LIN7A: variants seen among roughly 807,000 people sequenced by gnomAD.
LIN7A encodes the protein lin-7 cell polarity scaffold A, also known as protein lin-7 homolog A.
A neutral mutation model predicts 29.8 loss-of-function variants in LIN7A; 25 were observed. The observed-to-expected ratio is 0.84, with a 90% confidence interval of 0.61 to 1.17. LIN7A has a LOEUF of 1.17. Among genes scored for constraint, LIN7A ranks in the 50% most tolerant of loss-of-function variants. The pLI is 0.00. For missense variants in LIN7A, 239 were observed against 287.0 expected (o/e 0.83, Z 1.21); for synonymous variants, 118 against 107.5 (o/e 1.10, Z -0.60).
intron 4 of LIN7A, among the ~76,000 whole-genome samples, chr12:80,845,104 G>T (rs1024993276): frequency 6.6e-6 from 1 of 151,956 alleles, no homozygotes; most frequent in Non-Finnish European, 1.5e-5. Context: ...GGGCTTGGTG[G>T]CGGGCGCCTG....
At chr12:80,809,161 T>C (rs1365978340) in intron 5 of LIN7A, among the ~76,000 whole-genome samples, 1 of 152,032 alleles carries the variant, frequency 6.6e-6, no homozygotes, top group East Asian at 1.9e-4. Context: ...AGAGATGGGA[T>C]TTGACGATGT....
chr12:80,874,721 C>T (rs774435263), intron 2 of LIN7A, among the ~76,000 whole-genome samples: 3 of 152,174 alleles, frequency 2.0e-5, no homozygotes, highest in East Asian at 1.9e-4. Flanking sequence ...CGGTGGCTCA[C>T]GCCTGTAATC....
At chr12:80,914,589 T>C (rs1157258323) in intron 1 of LIN7A, among the ~76,000 whole-genome samples, 1 of 152,204 alleles carries the variant, frequency 6.6e-6, no homozygotes, top group African/African-American at 2.4e-5. Context: ...TTTCACGTTA[T>C]CTTTCATGAC....
intron 4 of LIN7A, among the ~76,000 whole-genome samples, chr12:80,822,767 ACAAAGAGC>A (rs1253663165): frequency 6.6e-6 from 1 of 152,080 alleles, no homozygotes; most frequent in Admixed American, 6.5e-5. Flanking sequence ...GTCTCTCAGC[ACAAAGAGC>A]CAGGGTGCCA....
At chr12:80,807,067 T>TTTTTTG (rs1555221329) in intron 5 of LIN7A, among the ~76,000 whole-genome samples, 5 of 69,558 alleles carry the variant, frequency 7.2e-5, no homozygotes, top group Non-Finnish European at 1.2e-4. Flanking sequence ...GATGGAGTTT[T>TTTTTTG]TTTTTTTTTT....
intron 4 of LIN7A, among the ~76,000 whole-genome samples, chr12:80,833,370 T>C (rs1486396293): frequency 1.3e-5 from 2 of 152,118 alleles, no homozygotes; most frequent in African/African-American, 4.8e-5. Flanking sequence ...TCCCGTTACA[T>C]CCAAAGTCAT....
chr12:80,890,576 G>A (rs1173457736), intron 1 of LIN7A, among the ~76,000 whole-genome samples: 4 of 152,162 alleles, frequency 2.6e-5, no homozygotes, highest in African/African-American at 2.4e-5. Flanking sequence ...ATAGGTGTAA[G>A]TATCTAACTG....
intron 2 of LIN7A, among the ~76,000 whole-genome samples, chr12:80,865,227 G>T (rs1408702864): frequency 1.3e-5 from 2 of 152,054 alleles, no homozygotes; most frequent in Non-Finnish European, 2.9e-5. Flanking sequence ...TTTCTCCTCT[G>T]TTAAGCAAGT....
At chr12:80,816,840 C>T (rs1468733618) in intron 4 of LIN7A, among the ~76,000 whole-genome samples, 1 of 152,232 alleles carries the variant, frequency 6.6e-6, no homozygotes, top group African/African-American at 2.4e-5. Flanking sequence ...ACGATCTTGG[C>T]TTACTGCAAC....
intron 4 of LIN7A, among the ~76,000 whole-genome samples, chr12:80,834,804 A>ATTT (rs2121530192): frequency 6.6e-6 from 1 of 150,952 alleles, no homozygotes; most frequent in South Asian, 2.1e-4. Context: ...CAAGATATAA[A>ATTT]TCCATTATGG....
At chr12:80,911,844 A>T (rs1876763610) in intron 1 of LIN7A, among the ~76,000 whole-genome samples, 1 of 152,148 alleles carries the variant, frequency 6.6e-6, no homozygotes, top group African/African-American at 2.4e-5. Flanking sequence ...ATACATAAAC[A>T]AGTTTATTTG....
rs750015465 is a variant in LIN7A at position 80,845,812 on chromosome 12, A to G, written c.401T>C (p.Ile134Thr). The change falls in exon 4 of 6, where the codon ATC becomes ACC. Residue 134 changes from isoleucine to threonine, a missense_variant. Ile to Thr is a moderately conservative substitution (Grantham distance 89). Coordinates refer to ENST00000552864, the MANE Select transcript of LIN7A (RefSeq NM_004664.4). ...GGKEQNSPIYISRIIPGGVAE... is the reference protein window; with the variant it reads ...GGKEQNSPIYTSRIIPGGVAE... ...CACCCCTCCAGGAATTATGCGAGAG[A>G]TATAAATGGGGGAATTTTGCTCCTT... is the stretch of plus-strand genomic sequence containing the variant. 1 of 1,613,990 alleles carries G rather than the reference A, an allele frequency of 6.2e-7. No individual in the cohort carries two copies. The highest frequency in any genetic ancestry group is 1.1e-5 in the South Asian group (1 of 91,052).
chr12:80,879,853 C>T (rs1056308002), intron 2 of LIN7A, among the ~76,000 whole-genome samples: 13 of 152,114 alleles, frequency 8.5e-5, no homozygotes, highest in Non-Finnish European at 8.8e-5. Context: ...AGACGTTTAT[C>T]AAGACACCTG....
intron 2 of LIN7A, among the ~76,000 whole-genome samples, chr12:80,859,662 T>G (rs933699505): frequency 7.9e-5 from 12 of 152,152 alleles, no homozygotes; most frequent in African/African-American, 2.4e-4. Flanking sequence ...ATATACTCCT[T>G]TTTAAATGGA....
At chr12:80,851,710 G>T (rs1873344143) in intron 2 of LIN7A, among the ~76,000 whole-genome samples, 1 of 152,122 alleles carries the variant, frequency 6.6e-6, no homozygotes, top group Non-Finnish European at 1.5e-5. Flanking sequence ...GGGGCTTATA[G>T]ACTCCTGAAT....
chr12:80,924,414 G>T (rs1877469820), intron 1 of LIN7A, among the ~76,000 whole-genome samples: 1 of 152,202 alleles, frequency 6.6e-6, no homozygotes, highest in African/African-American at 2.4e-5. Context: ...AAGAGGTGGA[G>T]AATAAAATAA....
intron 1 of LIN7A, among the ~76,000 whole-genome samples, chr12:80,891,789 T>A (rs1875640556): frequency 6.6e-6 from 1 of 152,044 alleles, no homozygotes; most frequent in African/African-American, 2.4e-5. Flanking sequence ...GAGGTGTAAG[T>A]GGAGAAGGAG....
At chr12:80,884,132 C>G (rs1875207731) in intron 2 of LIN7A, among the ~76,000 whole-genome samples, 1 of 152,040 alleles carries the variant, frequency 6.6e-6, no homozygotes, top group Non-Finnish European at 1.5e-5. Flanking sequence ...AATTGTGAAC[C>G]GTCTAATGGC....
chr12:80,848,255 G>C lies in LIN7A; in HGVS notation c.269C>G (p.Ala90Gly). The change falls in exon 3 of 6, where the codon GCA becomes GGA. Residue 90 changes from alanine (A) to glycine (G), a missense_variant. Coordinates refer to ENST00000552864, the MANE Select transcript of LIN7A (RefSeq NM_004664.4). ...TTAAAGTTACTCAAGCCTTACCTTT[G>C]CTGTTGCCCTCGCACGGAATTCGGG... ...GCPEFRARAT[A>G]KATVAAFAAS... The C allele has an allele frequency of 6.2e-7, 1 of 1,611,666 alleles. No homozygotes were observed. Among genetic ancestry groups the C allele is most frequent in the Non-Finnish European group, 8.5e-7 (1 of 1,178,018 alleles).
Sources: allele counts gnomAD v4.1 joint callset (sites outside exome capture counted in the v4.1 genomes callset), GRCh38; gene constraint gnomAD v4.1.1; transcripts MANE v1.5; gene names NCBI Gene and HGNC (gene_info 2026-07-23, HGNC 2026-07-21).